The following LDHC variants were observed in gnomAD, a reference collection of about 807,000 sequenced individuals.
LDHC encodes lactate dehydrogenase C, also known as L-lactate dehydrogenase C chain.
Under a neutral mutation model 30.2 loss-of-function variants are expected in LDHC, and 20 were observed. The observed-to-expected ratio is 0.66, with a 90% CI of 0.47 to 0.96. The LOEUF is 0.96. Among genes scored for constraint, LDHC ranks in the 40% least tolerant of loss-of-function variants. LDHC has a pLI of 0.00. For synonymous variants in LDHC, 139 were observed against 132.7 expected, an observed-to-expected ratio of 1.05 and a Z score of -0.32; for missense variants, 362 against 394.9, an observed-to-expected ratio of 0.92 and a Z score of 0.71.
intron 3 of LDHC, among the ~76,000 whole-genome samples, chr11:18,426,734 G>T (rs570977799): frequency 2.0e-5 from 3 of 152,084 alleles, no homozygotes; most frequent in South Asian, 4.1e-4. Flanking sequence ...GAAGAAAGTG[G>T]TATTTATGAA....
At chr11:18,415,860 T>C (rs1867011660) in intron 3 of LDHC, among the ~76,000 whole-genome samples, 1 of 151,600 alleles carries the variant, frequency 6.6e-6, no homozygotes, top group African/African-American at 2.4e-5. Flanking sequence ...ACCCCGCTGA[T>C]TTTTGTATTT....
intron 3 of LDHC, among the ~76,000 whole-genome samples, chr11:18,419,867 G>A (rs959479887): frequency 4.6e-5 from 7 of 152,160 alleles, no homozygotes; most frequent in African/African-American, 7.2e-5. Flanking sequence ...TGAGGCAGGT[G>A]GATTGGTTGA....
chr11:18,424,788 A>G (rs940190212), intron 3 of LDHC, among the ~76,000 whole-genome samples: 14 of 152,328 alleles, frequency 9.2e-5, no homozygotes, highest in Admixed American at 4.6e-4. Flanking sequence ...TGGGCGGATC[A>G]CTTGAGGTCA....
At chr11:18,412,538 C>T (rs1866910106) in intron 1 of LDHC, 130 bp downstream of exon 1, 1 of 565,838 alleles carries the variant, frequency 1.8e-6, no homozygotes, top group South Asian at 2.0e-5. Flanking sequence ...TGCCCCAGCC[C>T]TCCCATTGCC....
Position 18,440,715 on chromosome 11 carries a change from G to T in LDHC, c.710+2070G>T, listed in dbSNP as rs149625265. On this transcript the variant is annotated intron_variant, in intron 6 of 7. Transcript: ENST00000541669. ...AGGCTGAGGTAGGAGGATTGTTTGA[G>T]GCCAGGAGTTTCAGATCAGCTGGGG... 6.6e-3 allele frequency among the ~76,000 whole-genome samples: 1,003 copies of T among 152,152 alleles called. 10 individuals carry two copies. Among genetic ancestry groups the T allele is most frequent in the African/African-American group, 0.023 (946 of 41,500 alleles).
At chr11:18,446,372 T>A in intron 7 of LDHC, 39 bp downstream of exon 7, 2 of 1,409,822 alleles carry the variant, frequency 1.4e-6, no homozygotes, top group Non-Finnish European at 2.0e-6. Context: ...ATTCTTTCCT[T>A]TAATATTTAT....
At chr11:18,422,792 G>C (rs1848089142) in intron 3 of LDHC, among the ~76,000 whole-genome samples, 1 of 151,708 alleles carries the variant, frequency 6.6e-6, no homozygotes, top group Non-Finnish European at 1.5e-5. Context: ...AGACCAGCCT[G>C]GGAAACACGG....
chr11:18,426,099 T>G (rs976380639), intron 3 of LDHC, among the ~76,000 whole-genome samples: 7 of 151,846 alleles, frequency 4.6e-5, no homozygotes, highest in African/African-American at 9.7e-5. Context: ...CACTGCAGCC[T>G]CTAACTCCTG....
At chr11:18,415,355 T>G (rs1302171095) in intron 3 of LDHC, 54 bp downstream of exon 3, 2 of 928,468 alleles carry the variant, frequency 2.2e-6, no homozygotes, top group African/African-American at 3.4e-5. Flanking sequence ...AAGTAATAAA[T>G]TTTACCAAAC....
At chr11:18,443,422 G>A (rs566125074) in intron 6 of LDHC, among the ~76,000 whole-genome samples, 8 of 150,478 alleles carry the variant, frequency 5.3e-5, no homozygotes, top group African/African-American at 2.0e-4. Flanking sequence ...ACTAATAATT[G>A]TACCACAGAG....
intron 7 of LDHC, chr11:18,450,458 T>C (rs1446677453): frequency 6.5e-6 from 1 of 154,158 alleles, no homozygotes; most frequent in African/African-American, 2.4e-5. Context: ...AGAGCATCTA[T>C]AGGCTCCACT....
At chr11:18,417,050 A>G (rs111486151) in intron 3 of LDHC, among the ~76,000 whole-genome samples, 2,070 of 151,888 alleles carry the variant, frequency 0.014, 51 homozygotes, top group African/African-American at 0.047. Flanking sequence ...TGCCTGGCTA[A>G]TTTTTGTGTT....
intron 7 of LDHC, among the ~76,000 whole-genome samples, chr11:18,447,039 T>TA (rs1262207120): frequency 2.6e-5 from 4 of 151,886 alleles, no homozygotes; most frequent in South Asian, 4.1e-4. Flanking sequence ...GCATTACCCC[T>TA]AAAAGGAGGA....
At position 18,441,483 on chromosome 11, in the gene LDHC, A is replaced by G. The variant is rs544761058; in HGVS notation, c.710+2838A>G. Among the ~76,000 whole-genome samples the G allele has an allele frequency of 3.2e-3, 479 of 151,852 alleles. 5 individuals carry two copies. Among genetic ancestry groups the G allele is most frequent in the African/African-American group, 0.011 (463 of 41,508 alleles). ...GCCACCATGCTCAGCTAATTTTTGT[A>G]TTTTTAGTAGAAACGGGGTTTCACC... On this transcript the variant is annotated intron_variant, in intron 6 of 7. Coordinates refer to ENST00000541669, the MANE Select transcript of LDHC (RefSeq NM_017448.5).
intron 5 of LDHC, among the ~76,000 whole-genome samples, chr11:18,435,298 G>A (rs1848337245): frequency 1.3e-5 from 2 of 152,052 alleles, no homozygotes; most frequent in South Asian, 2.1e-4. Flanking sequence ...CCTGGTGGGA[G>A]GTGGTTGGAT....
At chr11:18,424,462 C>G (rs1005018102) in intron 3 of LDHC, among the ~76,000 whole-genome samples, 1 of 152,240 alleles carries the variant, frequency 6.6e-6, no homozygotes, top group East Asian at 1.9e-4. Flanking sequence ...CTGGAAATTA[C>G]ACTTCTAAAT....
intron 5 of LDHC, among the ~76,000 whole-genome samples, chr11:18,436,153 C>G (rs1044635772): frequency 6.6e-6 from 1 of 151,934 alleles, no homozygotes; most frequent in Non-Finnish European, 1.5e-5. Context: ...TTACTTTGAC[C>G]CTGTTGGCTT....
rs146233108 is a variant in LDHC at position 18,415,252 on chromosome 11, T to C, written c.195T>C (p.Leu65=). 3.0e-5 allele frequency: 49 copies of C among 1,609,652 alleles called. 1 individual carries two copies. In the East Asian group the frequency reaches 1.0e-3, roughly 34 times the overall value. The part of the protein sequence containing the change: ...LDKLKGEMMD[L]QHGSLFFSTS... ...AACTGAAGGGAGAAATGATGGATCT[T>C]CAGCATGGCAGTCTTTTCTTTAGTA... The change falls in exon 3 of 8, where the codon CTT becomes CTC. Residue 65 remains leucine (L), a synonymous_variant. Transcript: ENST00000541669.
intron 5 of LDHC, among the ~76,000 whole-genome samples, chr11:18,437,258 G>T (rs778224150): frequency 1.3e-5 from 2 of 151,898 alleles, no homozygotes; most frequent in Non-Finnish European, 2.9e-5. Context: ...TGTTTATACT[G>T]CATTTTGCAT....
Sources: allele counts gnomAD v4.1 joint callset (sites outside exome capture counted in the v4.1 genomes callset), GRCh38; gene constraint gnomAD v4.1.1; transcripts MANE v1.5; gene names NCBI Gene and HGNC (gene_info 2026-07-23, HGNC 2026-07-21).